The following FAM185A variants were observed in gnomAD, a reference collection of about 807,000 sequenced individuals.
The protein encoded by FAM185A is protein FAM185A.
In FAM185A, 21 loss-of-function variants were observed where a neutral mutation model predicts 45.7. The ratio of observed to expected loss-of-function variants is 0.46; its 90% confidence interval spans 0.33 to 0.66. The LOEUF is 0.66. Among genes scored for constraint, FAM185A ranks in the 30% least tolerant of loss-of-function variants. The pLI, the probability that FAM185A is intolerant of heterozygous loss-of-function variation, is 0.03. For missense variants in FAM185A, 305 were observed against 485.4 expected (o/e 0.63, Z 3.49); for synonymous variants, 117 against 194.0 (o/e 0.60, Z 3.30).
chr7:102,780,738 G>A (rs775250799), intron 6 of FAM185A, among the ~76,000 whole-genome samples: 10 of 152,196 alleles, frequency 6.6e-5, no homozygotes, highest in African/African-American at 1.7e-4. Context: ...CGTGAGCGAC[G>A]CAGAAGACAG....
intron 4 of FAM185A, among the ~76,000 whole-genome samples, chr7:102,765,629 T>C (rs1164410496): frequency 6.6e-6 from 1 of 152,202 alleles, no homozygotes; most frequent in South Asian, 2.1e-4. Context: ...GAGAAGAAAA[T>C]AATTTATCCT....
At chr7:102,797,424 C>CTCT (rs1796498500) in intron 7 of FAM185A, among the ~76,000 whole-genome samples, 1 of 151,908 alleles carries the variant, frequency 6.6e-6, no homozygotes, top group African/African-American at 2.4e-5. Flanking sequence ...TGCAGTAAGC[C>CTCT]GAGATCGCAC....
At chr7:102,838,716 G>T in the FAM185A span, among the ~76,000 whole-genome samples, 1 of 152,132 alleles carries the variant, frequency 6.6e-6, no homozygotes, top group Non-Finnish European at 1.5e-5. Flanking sequence ...GATGTGCCTT[G>T]TTAACAAAAT....
At chr7:102,775,542 A>G (rs1795009044) in intron 5 of FAM185A, among the ~76,000 whole-genome samples, 1 of 152,184 alleles carries the variant, frequency 6.6e-6, no homozygotes, top group African/African-American at 2.4e-5. Context: ...AATACAGATA[A>G]CATGAGGATA....
chr7:102,830,440 A>G, the FAM185A span, among the ~76,000 whole-genome samples: 2 of 152,330 alleles, frequency 1.3e-5, no homozygotes, highest in South Asian at 4.2e-4. Flanking sequence ...TTTAAGTTGC[A>G]GAGAGTCAGT....
intron 5 of FAM185A, among the ~76,000 whole-genome samples, chr7:102,776,116 A>ACACATATACACACACACACACACACAC (rs1198677194): frequency 2.4e-5 from 3 of 126,598 alleles, no homozygotes; most frequent in African/African-American, 1.1e-4. Flanking sequence ...ACACACACAC[A>ACACATATACACACACACACACACACAC]AATGTTTTCT....
intron 5 of FAM185A, 145 bp from the exon 6 acceptor site, chr7:102,777,108 A>C: frequency 1.2e-6 from 1 of 830,926 alleles, no homozygotes; most frequent in East Asian, 2.9e-5. Flanking sequence ...AAGTGCAAAC[A>C]ATGGCATTGT....
chr7:102,769,653 C>T (rs1328010783), intron 4 of FAM185A, among the ~76,000 whole-genome samples: 1 of 152,164 alleles, frequency 6.6e-6, no homozygotes, highest in Non-Finnish European at 1.5e-5. Flanking sequence ...GTTGCTATAA[C>T]AGAATACCTG....
chr7:102,824,635 G>C, the FAM185A span, among the ~76,000 whole-genome samples: 1 of 151,946 alleles, frequency 6.6e-6, no homozygotes, highest in South Asian at 2.1e-4. Context: ...ACAGGTGCCC[G>C]CCACCACGCC....
At chr7:102,845,021 C>T in the FAM185A span, among the ~76,000 whole-genome samples, 286 of 152,258 alleles carry the variant, frequency 1.9e-3, 5 homozygotes, top group African/African-American at 6.8e-3. Context: ...TTGGAGTGCA[C>T]CCCTCTCCTG....
chr7:102,814,717 A>G, the FAM185A span, among the ~76,000 whole-genome samples: 1 of 152,248 alleles, frequency 6.6e-6, no homozygotes, highest in Non-Finnish European at 1.5e-5. Flanking sequence ...TATGGACTAA[A>G]ACTTGGCAAA....
the FAM185A span, chr7:102,827,177 G>A: frequency 6.6e-6 from 3 of 454,238 alleles, no homozygotes; most frequent in African/African-American, 6.0e-5. Flanking sequence ...CTTGGAATGT[G>A]TTACTGCCCT....
intron 7 of FAM185A, among the ~76,000 whole-genome samples, chr7:102,801,139 GTATGAAAGA>G (rs1188410852): frequency 6.6e-6 from 1 of 152,126 alleles, no homozygotes; most frequent in Non-Finnish European, 1.5e-5. Context: ...TAGGCATTGT[GTATGAAAGA>G]TACAGTCTTT....
At chr7:102,806,961 G>T (rs924668845) in intron 7 of FAM185A, among the ~76,000 whole-genome samples, 2 of 152,056 alleles carry the variant, frequency 1.3e-5, no homozygotes, top group African/African-American at 4.8e-5. Context: ...GATTGCGGAG[G>T]GTGCCATGAA....
chr7:102,794,547 T>C, intron 7 of FAM185A, among the ~76,000 whole-genome samples: 1 of 152,144 alleles, frequency 6.6e-6, no homozygotes, highest in East Asian at 1.9e-4. Flanking sequence ...CTCTTCTACA[T>C]TACTGGTGGG....
intron 2 of FAM185A, among the ~76,000 whole-genome samples, chr7:102,756,228 A>G (rs1176242978): frequency 1.3e-5 from 2 of 152,120 alleles, no homozygotes; most frequent in African/African-American, 4.8e-5. Context: ...AGTGATCCAT[A>G]TCTCTTTATG....
At chr7:102,846,895 G>C in the FAM185A span, among the ~76,000 whole-genome samples, 1 of 152,210 alleles carries the variant, frequency 6.6e-6, no homozygotes, top group South Asian at 2.1e-4. Context: ...CACTGACGGT[G>C]GCTGTCTGCC....
chr7:102,790,261 C>T (rs2129442226), intron 7 of FAM185A, among the ~76,000 whole-genome samples: 1 of 152,240 alleles, frequency 6.6e-6, no homozygotes, highest in Non-Finnish European at 1.5e-5. Context: ...ACCACAAATG[C>T]AGGTAGTGCG....
chr7:102,764,368 G>T (rs1245499421), intron 4 of FAM185A, among the ~76,000 whole-genome samples: 3 of 147,066 alleles, frequency 2.0e-5, no homozygotes, highest in African/African-American at 7.8e-5. Flanking sequence ...CTTGTCCTAA[G>T]GGATTGTATG....
Sources: gnomAD v4.1 joint callset for allele counts (sites outside exome capture counted in the v4.1 genomes callset) on GRCh38, gnomAD v4.1.1 for gene constraint, MANE v1.5 for transcripts, NCBI Gene and HGNC (gene_info 2026-07-23, HGNC 2026-07-21) for gene names.